The following ITPKB variants were observed in gnomAD, a reference collection of about 807,000 sequenced individuals.
The protein encoded by ITPKB is inositol-trisphosphate 3-kinase B, also known as IP3 3-kinase B.
In ITPKB, 13 loss-of-function variants were observed where a neutral mutation model predicts 69.4. That is an observed-to-expected ratio of 0.19 (90% CI 0.12 to 0.30). ITPKB has a LOEUF of 0.30. ITPKB is among the 10% of genes least tolerant of loss of function. ITPKB has a pLI of 1.00. For missense variants in ITPKB, 1,240 were observed against 1,250.5 expected, an observed-to-expected ratio of 0.99 and a Z score of 0.13; for synonymous variants, 584 against 513.7, an observed-to-expected ratio of 1.14 and a Z score of -1.85.
intron 2 of ITPKB, among the ~76,000 whole-genome samples, chr1:226,685,418 G>A (rs1000948611): frequency 6.6e-6 from 1 of 152,086 alleles, no homozygotes; most frequent in African/African-American, 2.4e-5. Flanking sequence ...CATTGCTCAC[G>A]TGGACCTTCA....
chr1:226,695,755 G>A (rs1207314234), intron 2 of ITPKB, among the ~76,000 whole-genome samples: 2 of 152,192 alleles, frequency 1.3e-5, no homozygotes, highest in African/African-American at 4.8e-5. Flanking sequence ...CAGATGGCAA[G>A]AGGGAAGAGA....
chr1:226,635,645 G>T (rs1362618019), intron 7 of ITPKB, among the ~76,000 whole-genome samples: 1 of 152,208 alleles, frequency 6.6e-6, no homozygotes, highest in South Asian at 2.1e-4. Flanking sequence ...AGGTGCCCAG[G>T]AGCGTCCAAA....
At chr1:226,648,078 C>G (rs1482474452) in intron 3 of ITPKB, among the ~76,000 whole-genome samples, 1 of 152,214 alleles carries the variant, frequency 6.6e-6, no homozygotes, top group Non-Finnish European at 1.5e-5. Context: ...GCTCTGGGGC[C>G]TCGGCTCCAG....
At chr1:226,660,785 C>T (rs79562134) in intron 2 of ITPKB, among the ~76,000 whole-genome samples, 3 of 152,158 alleles carry the variant, frequency 2.0e-5, no homozygotes, top group Non-Finnish European at 4.4e-5. Context: ...GAGCACGAGG[C>T]GGATGGGCAG....
chr1:226,662,891 C>T (rs1669426567), intron 2 of ITPKB, among the ~76,000 whole-genome samples: 1 of 152,222 alleles, frequency 6.6e-6, no homozygotes, highest in Non-Finnish European at 1.5e-5. Context: ...TGCAGCCCTG[C>T]CCCAGCAGTG....
chr1:226,697,901 C>T lies in ITPKB; in HGVS notation c.1932+37626G>A, dbSNP rs77300357. On this transcript the variant is annotated intron_variant, in intron 2 of 7. Transcript: ENST00000429204. ...CAAGAGGAGCCAAACCCCCTGGGGG[C>T]AGCCCGGTCACAGCCACAACTGGCT... is the stretch of plus-strand genomic sequence containing the variant. Among the ~76,000 whole-genome samples the T allele has an allele frequency of 4.2e-3, 639 of 152,334 alleles. 7 individuals carry two copies. The highest frequency in any genetic ancestry group is 0.014 in the African/African-American group (562 of 41,576).
chr1:226,672,016 T>C (rs1327223093), intron 2 of ITPKB, among the ~76,000 whole-genome samples: 1 of 152,218 alleles, frequency 6.6e-6, no homozygotes, highest in East Asian at 1.9e-4. Context: ...ACGCTGCTTC[T>C]GTGTGTACAC....
At chr1:226,679,351 T>C (rs1162868614) in intron 2 of ITPKB, among the ~76,000 whole-genome samples, 2 of 152,230 alleles carry the variant, frequency 1.3e-5, no homozygotes, top group Non-Finnish European at 2.9e-5. Flanking sequence ...TCCTGGAGTT[T>C]TGGGAGGACC....
chr1:226,721,761 C>T (rs955756216), intron 2 of ITPKB, among the ~76,000 whole-genome samples: 1 of 151,956 alleles, frequency 6.6e-6, no homozygotes, highest in Non-Finnish European at 1.5e-5. Context: ...TCCCAAAGTG[C>T]TGGGATTACA....
rs1657864699 is a variant in ITPKB at position 226,738,085 on chromosome 1, AG to A, written c.-205-423del. 6.6e-6 allele frequency among the ~76,000 whole-genome samples: 1 copy of A among 152,026 alleles called. No individual in the cohort carries two copies. The highest frequency in any genetic ancestry group is 2.1e-4 in the South Asian group (1 of 4,822). ...CAGCCTGAGCAAACATTGGCTATCC[AG>A]GGCAACCCGGCAGCCCTCGCCCTGG... On this transcript the variant is annotated intron_variant, in intron 1 of 7. Transcript: ENST00000429204. The surrounding 1 kb of genome is among the most constrained non-coding windows in gnomAD (Gnocchi z 4.2).
chr1:226,675,340 G>A (rs1669711840), intron 2 of ITPKB, among the ~76,000 whole-genome samples: 1 of 152,178 alleles, frequency 6.6e-6, no homozygotes, highest in Admixed American at 6.5e-5. Context: ...GGAAACACTT[G>A]CACAAGCACT....
At chr1:226,659,377 C>T (rs941700652) in intron 2 of ITPKB, among the ~76,000 whole-genome samples, 6 of 152,060 alleles carry the variant, frequency 3.9e-5, no homozygotes, top group Non-Finnish European at 5.9e-5. Context: ...AGGGTCCCTC[C>T]GGGATACAGA....
In ITPKB at chr1:226,641,852, T is replaced by C. The variant is rs953321598; in HGVS notation, c.2451+69A>G. 2.8e-6 allele frequency: 4 copies of C among 1,425,310 alleles called. No individual in the cohort carries two copies. Among genetic ancestry groups the C allele is most frequent in the Non-Finnish European group, 3.9e-6 (4 of 1,031,718 alleles). The allele number at this position is 1,425,310 out of a possible 1,614,324, so 88.3% of individuals were successfully genotyped here. ...GAAGCTTACAGCTTCCAAAGGGCGC[T>C]GAGAGAAGCCAAGCCCCCTGAGGTG... On this transcript the variant is annotated intron_variant, in intron 5 of 7. Coordinates refer to ENST00000429204, the MANE Select transcript of ITPKB (RefSeq NM_002221.4). The surrounding 1 kb of genome is among the most constrained non-coding windows in gnomAD (Gnocchi z 4.6).
chr1:226,679,559 C>A (rs1048247838), intron 2 of ITPKB, among the ~76,000 whole-genome samples: 4 of 152,176 alleles, frequency 2.6e-5, no homozygotes, highest in African/African-American at 9.7e-5. Context: ...TGGGGACTAA[C>A]CTAAGTCGAT....
intron 2 of ITPKB, among the ~76,000 whole-genome samples, chr1:226,730,291 A>C (rs1657551942): frequency 6.6e-6 from 1 of 152,194 alleles, no homozygotes; most frequent in African/African-American, 2.4e-5. Context: ...GTAAGTTAAC[A>C]CAGGAAGGGC....
intron 2 of ITPKB, among the ~76,000 whole-genome samples, chr1:226,663,850 T>C (rs1669445739): frequency 1.3e-5 from 2 of 152,124 alleles, no homozygotes; most frequent in South Asian, 4.1e-4. Flanking sequence ...GTCTTTTATA[T>C]TGAGGTATTT....
intron 2 of ITPKB, among the ~76,000 whole-genome samples, chr1:226,673,804 G>A (rs1669670983): frequency 6.6e-6 from 1 of 152,292 alleles, no homozygotes; most frequent in East Asian, 1.9e-4. Flanking sequence ...TCCCATTTAA[G>A]TTTTTCTATC....
chr1:226,735,493 A>T (rs1280907197), intron 2 of ITPKB, 34 bp downstream of exon 2: 1 of 1,463,396 alleles, frequency 6.8e-7, no homozygotes, highest in African/African-American at 1.4e-5. Flanking sequence ...TGAAATCAGC[A>T]TGAGTTCTGG....
At chr1:226,710,384 T>G (rs2102636414) in intron 2 of ITPKB, among the ~76,000 whole-genome samples, 2 of 152,360 alleles carry the variant, frequency 1.3e-5, no homozygotes, top group Non-Finnish European at 2.9e-5. Context: ...TGCAGCGCCC[T>G]TGTTCAAAAA....
Sources: allele counts gnomAD v4.1 joint callset (sites outside exome capture counted in the v4.1 genomes callset), GRCh38; gene constraint gnomAD v4.1.1; non-coding constraint Gnocchi (gnomAD v3.1); transcripts MANE v1.5; gene names NCBI Gene and HGNC (gene_info 2026-07-23, HGNC 2026-07-21).